Variants in PELI2 observed in about 807,000 individuals in gnomAD.
The protein encoded by PELI2 is E3 ubiquitin-protein ligase pellino homolog 2.
In PELI2, 23 loss-of-function variants were observed where a neutral mutation model predicts 42.3. That is an observed-to-expected ratio of 0.54 (90% CI 0.39 to 0.77). The LOEUF (loss-of-function observed/expected upper bound fraction) is 0.77. Ranked by LOEUF, PELI2 falls within the 30% of genes least tolerant of loss-of-function variation. PELI2 has a pLI of 0.00. For synonymous variants in PELI2, 245 were observed against 212.2 expected (o/e 1.15, Z -1.34); for missense variants, 463 against 553.2 (o/e 0.84, Z 1.64).
chr14:56,137,366 G>A (rs1336051394), intron 1 of PELI2, among the ~76,000 whole-genome samples: 1 of 152,188 alleles, frequency 6.6e-6, no homozygotes, highest in Non-Finnish European at 1.5e-5. Context: ...CTGGATTAAA[G>A]TGGAGGAAAA....
intron 2 of PELI2, among the ~76,000 whole-genome samples, chr14:56,238,153 A>T (rs1256052132): frequency 6.6e-6 from 1 of 152,112 alleles, no homozygotes; most frequent in Non-Finnish European, 1.5e-5. Flanking sequence ...ACCTATTGTC[A>T]GTCAGTTCTG....
intron 1 of PELI2, among the ~76,000 whole-genome samples, chr14:56,140,155 A>G (rs1035222659): frequency 7.9e-5 from 12 of 152,140 alleles, no homozygotes; most frequent in South Asian, 2.1e-4. Context: ...GGGTGCTTCA[A>G]TTGAGTGCTG....
intron 1 of PELI2, among the ~76,000 whole-genome samples, chr14:56,151,553 A>G (rs951274642): frequency 6.6e-6 from 1 of 152,220 alleles, no homozygotes; most frequent in Non-Finnish European, 1.5e-5. Context: ...CTGATGTCAC[A>G]GTGTTTGTTC....
chr14:56,278,572 G>C (rs1442410562), intron 2 of PELI2, among the ~76,000 whole-genome samples: 1 of 152,118 alleles, frequency 6.6e-6, no homozygotes, highest in Non-Finnish European at 1.5e-5. Context: ...TAAAACATCA[G>C]CTCAATCATG....
In PELI2 at chr14:56,194,027, AG is replaced by A. The variant is rs112319912; in HGVS notation, c.207+15564del. On this transcript the variant is annotated intron_variant, in intron 2 of 5. Coordinates refer to ENST00000267460, the MANE Select transcript of PELI2 (RefSeq NM_021255.3). Reference sequence around the variant, plus strand: ...TGTTGGGGGGTCTTAATTTGGCTTAAGAAGTTGATACAAGTCTTTTACAACG... The same window carrying A: ...TGTTGGGGGGTCTTAATTTGGCTTAAAAGTTGATACAAGTCTTTTACAACG... Among the ~76,000 whole-genome samples, 66 of 152,310 alleles carry A rather than the reference AG, an allele frequency of 4.3e-4. 1 individual carries two copies. Among genetic ancestry groups the A allele is most frequent in the African/African-American group, 1.5e-3 (64 of 41,570 alleles).
chr14:56,134,153 A>T (rs190922985), intron 1 of PELI2, among the ~76,000 whole-genome samples: 28 of 152,196 alleles, frequency 1.8e-4, no homozygotes, highest in Non-Finnish European at 3.1e-4. Context: ...ATAAAGTGAG[A>T]TGGTGATAAA....
intron 2 of PELI2, among the ~76,000 whole-genome samples, chr14:56,261,035 AT>A (rs796161866): frequency 0.02 from 2,877 of 144,500 alleles, 65 homozygotes; most frequent in African/African-American, 0.059. Flanking sequence ...GGATTGAGGT[AT>A]TTTTTTTTTT....
intron 2 of PELI2, among the ~76,000 whole-genome samples, chr14:56,211,528 A>G (rs1011310530): frequency 2.0e-5 from 3 of 152,150 alleles, no homozygotes; most frequent in African/African-American, 7.2e-5. Context: ...TATCTTTTTC[A>G]ACCTTGTTGG....
intron 1 of PELI2, among the ~76,000 whole-genome samples, chr14:56,146,492 G>A (rs928109771): frequency 3.3e-5 from 5 of 152,124 alleles, no homozygotes; most frequent in South Asian, 2.1e-4. Flanking sequence ...CTGGAAGTTC[G>A]TATAAGATAC....
chr14:56,248,303 C>T (rs1430939925), intron 2 of PELI2, among the ~76,000 whole-genome samples: 2 of 152,024 alleles, frequency 1.3e-5, no homozygotes, highest in Non-Finnish European at 2.9e-5. Flanking sequence ...GTTTCGCGCA[C>T]ATTTTAATTT....
At chr14:56,162,002 C>T (rs1316935827) in intron 1 of PELI2, among the ~76,000 whole-genome samples, 1 of 151,980 alleles carries the variant, frequency 6.6e-6, no homozygotes, top group African/African-American at 2.4e-5. Context: ...TTGGTGGGTG[C>T]ACAGTAGGTG....
chr14:56,209,546 G>A (rs907723733), intron 2 of PELI2, among the ~76,000 whole-genome samples: 2 of 55,552 alleles, frequency 3.6e-5, no homozygotes, highest in Non-Finnish European at 5.0e-5. Flanking sequence ...AAAATATTTC[G>A]TTTCGTGGTA....
At chr14:56,295,370 T>C (rs927590255) in intron 5 of PELI2, among the ~76,000 whole-genome samples, 1 of 151,888 alleles carries the variant, frequency 6.6e-6, no homozygotes, top group African/African-American at 2.4e-5. Context: ...TGCCCTGAAC[T>C]GCGTCCATCC....
chr14:56,208,987 G>A (rs1886616454), intron 2 of PELI2, among the ~76,000 whole-genome samples: 1 of 152,166 alleles, frequency 6.6e-6, no homozygotes, highest in Non-Finnish European at 1.5e-5. Flanking sequence ...ACCAAGACTT[G>A]ACAGTTCCGA....
chr14:56,226,388 C>T (rs1332698117), intron 2 of PELI2, among the ~76,000 whole-genome samples: 1 of 152,198 alleles, frequency 6.6e-6, no homozygotes, highest in Non-Finnish European at 1.5e-5. Context: ...TGCTGCCAGG[C>T]AAACCTTGCT....
intron 1 of PELI2, among the ~76,000 whole-genome samples, chr14:56,125,161 G>A (rs528600848): frequency 3.9e-5 from 6 of 152,144 alleles, no homozygotes; most frequent in Admixed American, 6.5e-5. Flanking sequence ...TTCCTGGTTC[G>A]GGTACCTCCT....
chr14:56,218,430 A>G (rs12893611), intron 2 of PELI2, among the ~76,000 whole-genome samples: 60,900 of 152,150 alleles, frequency 0.4, 13,040 homozygotes, highest in South Asian at 0.53. Context: ...AAAAATGATT[A>G]GTGTTGAGAC....
At position 56,297,450 on chromosome 14, in the gene PELI2, G is replaced by T. The variant is rs1328996226; in HGVS notation, c.*284G>T. On this transcript the variant is annotated 3_prime_UTR_variant, in exon 6 of 6. Coordinates refer to ENST00000267460, the MANE Select transcript of PELI2 (RefSeq NM_021255.3). Reference sequence around the variant, plus strand: ...GCTATGCTTCTATTTTTAACCTTGGGTTTTTAACCAAGTTTTTTTTTTTTT... The same window carrying T: ...GCTATGCTTCTATTTTTAACCTTGGTTTTTTAACCAAGTTTTTTTTTTTTT... 9 of 272,934 alleles carry T rather than the reference G, an allele frequency of 3.3e-5. No homozygotes were observed. The highest frequency in any genetic ancestry group is 1.1e-4 in the South Asian group (1 of 9,512). The allele number at this position is 272,934 out of a possible 1,614,324, so 16.9% of individuals were successfully genotyped here.
rs1162854437 is a variant in PELI2 at position 56,279,759 on chromosome 14, G to A, written c.291G>A (p.Lys97=). The A allele has an allele frequency of 6.4e-7, 1 of 1,564,982 alleles. No individual in the cohort carries two copies. The highest frequency in any genetic ancestry group is 8.8e-7 in the Non-Finnish European group (1 of 1,138,200). The part of the protein sequence containing the change: ...QTVVVEYTHD[K]DTDMFQVGRS... ...TGGTGGTGGAGTACACACATGATAA[G>A]GATACGGATATGTTTCAGGTAATAT... Residue 97 remains lysine, a synonymous_variant, in exon 3 of 6, where the codon AAG becomes AAA. Coordinates refer to ENST00000267460, the MANE Select transcript of PELI2 (RefSeq NM_021255.3).
Sources: gnomAD v4.1 joint callset for allele counts (sites outside exome capture counted in the v4.1 genomes callset) on GRCh38, gnomAD v4.1.1 for gene constraint, MANE v1.5 for transcripts, NCBI Gene and HGNC (gene_info 2026-07-23, HGNC 2026-07-21) for gene names.